DTD1: variants seen among roughly 807,000 people sequenced by gnomAD.
The protein encoded by DTD1 is D-aminoacyl-tRNA deacylase 1, also known as D-tyrosyl-tRNA deacylase 1 homolog.
DTD1 carries 13 observed loss-of-function variants against 25.6 expected under a neutral mutation model. That is an observed-to-expected ratio of 0.51 (90% confidence interval 0.33 to 0.81). The LOEUF is 0.81. Ranked by LOEUF, DTD1 falls within the 30% of genes least tolerant of loss-of-function variation. DTD1 has a pLI of 0.02. For missense variants in DTD1, 193 were observed against 266.4 expected (o/e 0.72, Z 1.92); for synonymous variants, 110 against 103.6 (o/e 1.06, Z -0.37).
chr20:18,756,330 C>T (rs1004248486), intron 5 of DTD1, among the ~76,000 whole-genome samples: 4 of 152,140 alleles, frequency 2.6e-5, no homozygotes, highest in African/African-American at 7.2e-5. Context: ...GTGTTTTAGA[C>T]ATGAAGTCCT....
At chr20:18,751,228 G>C (rs1054385876) in intron 5 of DTD1, among the ~76,000 whole-genome samples, 1 of 152,068 alleles carries the variant, frequency 6.6e-6, no homozygotes, top group South Asian at 2.1e-4. Context: ...CCATGTGCTG[G>C]TATTTCATGG....
At chr20:18,675,405 T>C (rs1227541477) in intron 4 of DTD1, 1 of 152,208 alleles carries the variant, frequency 6.6e-6, no homozygotes, top group African/African-American at 2.4e-5. Flanking sequence ...TACCTTCCGG[T>C]TGCTGGATCC....
rs538126221 is a variant in DTD1, at chr20:18,689,607, A to G, written c.478-54493A>G. On this transcript the variant is annotated intron_variant, in intron 4 of 5. Transcript: ENST00000377452. ...GGGGCAGGAAGGATGTTGGTATTTT[A>G]TCACTAACATTGTTTAAAATTACAG... is the stretch of plus-strand genomic sequence containing the variant. 1.3e-4 allele frequency among the ~76,000 whole-genome samples: 20 copies of G among 152,258 alleles called. 1 individual carries two copies. The South Asian group carries it at 4.1e-3, about 32-fold the overall frequency.
intron 4 of DTD1, among the ~76,000 whole-genome samples, chr20:18,634,507 A>G (rs2122325353): frequency 6.6e-6 from 1 of 152,358 alleles, no homozygotes; most frequent in Non-Finnish European, 1.5e-5. Flanking sequence ...GTGTTTATTG[A>G]CAAATCACTG....
intron 4 of DTD1, among the ~76,000 whole-genome samples, chr20:18,637,038 A>C (rs929149012): frequency 1.3e-5 from 2 of 152,182 alleles, no homozygotes; most frequent in African/African-American, 4.8e-5. Flanking sequence ...TGTGCTCCTA[A>C]GCACACTGAC....
At chr20:18,734,379 C>T (rs1201529489) in intron 4 of DTD1, among the ~76,000 whole-genome samples, 8 of 152,234 alleles carry the variant, frequency 5.3e-5, no homozygotes, top group Non-Finnish European at 1.2e-4. Context: ...GGTCATTGGG[C>T]TGGCCAGTGG....
At chr20:18,617,841 T>C (rs1274153814) in intron 3 of DTD1, among the ~76,000 whole-genome samples, 1 of 152,240 alleles carries the variant, frequency 6.6e-6, no homozygotes, top group African/African-American at 2.4e-5. Context: ...CAGTGTGTCC[T>C]AGAGATTCTT....
chr20:18,731,005 G>C (rs1013305569), intron 4 of DTD1, among the ~76,000 whole-genome samples: 1 of 152,170 alleles, frequency 6.6e-6, no homozygotes, highest in Non-Finnish European at 1.5e-5. Context: ...CCAACATATA[G>C]TTTGTCAGTG....
intron 4 of DTD1, among the ~76,000 whole-genome samples, chr20:18,666,322 G>A (rs1388106769): frequency 6.6e-6 from 1 of 152,172 alleles, no homozygotes; most frequent in East Asian, 1.9e-4. Context: ...TTAATGTAAT[G>A]TTGGCCAGGA....
chr20:18,687,414 G>C (rs2061021317), intron 4 of DTD1, among the ~76,000 whole-genome samples: 1 of 152,218 alleles, frequency 6.6e-6, no homozygotes, highest in African/African-American at 2.4e-5. Flanking sequence ...CAGGAGTGTA[G>C]TTTGCTGAAG....
intron 4 of DTD1, among the ~76,000 whole-genome samples, chr20:18,685,862 C>A (rs1245665117): frequency 6.6e-6 from 1 of 152,236 alleles, no homozygotes; most frequent in Non-Finnish European, 1.5e-5. Context: ...AAGTTCCCCT[C>A]TTCCTTCTCC....
intron 4 of DTD1, among the ~76,000 whole-genome samples, chr20:18,701,705 G>A (rs2061105871): frequency 6.6e-6 from 1 of 152,232 alleles, no homozygotes. Flanking sequence ...TTAGAAATGA[G>A]CACTGGACTT....
At chr20:18,621,802 C>T (rs1385091291) in intron 3 of DTD1, among the ~76,000 whole-genome samples, 11 of 152,096 alleles carry the variant, frequency 7.2e-5, no homozygotes, top group Admixed American at 6.6e-4. Flanking sequence ...TGGTGGCTCA[C>T]GCCTGTAATC....
At chr20:18,626,525 A>G (rs2060758952) in intron 3 of DTD1, among the ~76,000 whole-genome samples, 1 of 152,204 alleles carries the variant, frequency 6.6e-6, no homozygotes, top group Non-Finnish European at 1.5e-5. Context: ...ATTTAAGAAC[A>G]ACTTGATTAT....
intron 4 of DTD1, chr20:18,631,685 G>A (rs904668464): frequency 3.3e-5 from 33 of 985,282 alleles, no homozygotes; most frequent in Non-Finnish European, 3.9e-5. Context: ...AATGGCTGGA[G>A]CCTTGTTTCC....
At chr20:18,635,419 C>T (rs1380567435) in intron 4 of DTD1, among the ~76,000 whole-genome samples, 1 of 152,224 alleles carries the variant, frequency 6.6e-6, no homozygotes, top group African/African-American at 2.4e-5. Flanking sequence ...CCTGGCCAGA[C>T]CTCTCACCAC....
At chr20:18,758,443 A>T (rs963370997) in intron 5 of DTD1, among the ~76,000 whole-genome samples, 2 of 151,840 alleles carry the variant, frequency 1.3e-5, no homozygotes, top group East Asian at 3.9e-4. Context: ...ACTGCTTTGA[A>T]TGTGTCCCAG....
chr20:18,601,897 A>C (rs1486452325), intron 3 of DTD1, among the ~76,000 whole-genome samples: 1 of 151,108 alleles, frequency 6.6e-6, no homozygotes, highest in Non-Finnish European at 1.5e-5. Context: ...GCAGTTCCTC[A>C]CCAGCAATGG....
chr20:18,627,642 CCTT>C (rs2060764960), intron 3 of DTD1, among the ~76,000 whole-genome samples: 1 of 152,202 alleles, frequency 6.6e-6, no homozygotes. Flanking sequence ...CGGTCAACCT[CCTT>C]CTCCCACTGT....
Sources: allele counts gnomAD v4.1 joint callset (sites outside exome capture counted in the v4.1 genomes callset), GRCh38; gene constraint gnomAD v4.1.1; transcripts MANE v1.5; gene names NCBI Gene and HGNC (gene_info 2026-07-23, HGNC 2026-07-21).